NOP9: variants seen among roughly 807,000 people sequenced by gnomAD.
NOP9 encodes nucleolar protein 9.
A neutral mutation model predicts 63.0 loss-of-function variants in NOP9; 50 were observed. The ratio of observed to expected loss-of-function variants is 0.79; its 90% CI spans 0.63 to 1.00. The LOEUF (loss-of-function observed/expected upper bound fraction) is 1.00. Ranked by LOEUF, NOP9 falls within the 50% of genes least tolerant of loss-of-function variation. The pLI is 0.00. For synonymous variants in NOP9, 343 were observed against 332.8 expected, an observed-to-expected ratio of 1.03 and a Z score of -0.33; for missense variants, 758 against 803.0, an observed-to-expected ratio of 0.94 and a Z score of 0.68.
the NOP9 span, chr14:24,292,903 G>A: frequency 6.6e-6 from 9 of 1,362,476 alleles, no homozygotes; most frequent in Admixed American, 2.5e-4. Context: ...GGCTACACAG[G>A]GTGGGTTAGC....
intron 6 of NOP9, 91 bp downstream of exon 6, chr14:24,303,305 A>G (rs563898345): frequency 1.3e-6 from 2 of 1,525,040 alleles, no homozygotes; most frequent in Non-Finnish European, 1.8e-6. Context: ...GTACCTCTGG[A>G]CTCAGGAAGT....
chr14:24,276,402 C>T, the NOP9 span, among the ~76,000 whole-genome samples: 2 of 150,696 alleles, frequency 1.3e-5, no homozygotes, highest in Non-Finnish European at 1.5e-5. Flanking sequence ...ATAGGTGGGA[C>T]TACAGGCACA....
Position 24,307,963 on chromosome 14 carries a change from G to T in NOP9, c.*2868G>T. The T allele has an allele frequency of 9.4e-7, 1 of 1,060,884 alleles. No homozygotes were observed. Among genetic ancestry groups the T allele is most frequent in the South Asian group, 1.4e-5 (1 of 72,928 alleles). The allele number at this position is 1,060,884 out of a possible 1,614,324, so 65.7% of individuals were successfully genotyped here. On this transcript the variant is annotated 3_prime_UTR_variant, in exon 10 of 10. Coordinates refer to ENST00000267425, the MANE Select transcript of NOP9 (RefSeq NM_174913.3). ...GTTACAAACCTGGGATCTCAGCCCA[G>T]GACAAGGTGGGAATGAGTCAAGCCT...
the NOP9 span, among the ~76,000 whole-genome samples, chr14:24,275,993 C>T: frequency 1.3e-5 from 2 of 152,188 alleles, no homozygotes; most frequent in Non-Finnish European, 1.5e-5. Context: ...ACAGTAGCCC[C>T]ATGTGACTGC....
the NOP9 span, among the ~76,000 whole-genome samples, chr14:24,283,121 C>G: frequency 6.6e-6 from 1 of 152,234 alleles, no homozygotes; most frequent in Admixed American, 6.5e-5. Context: ...CCCAGCCCCT[C>G]TTAAAGTGCT....
At chr14:24,272,770 A>G in the NOP9 span, among the ~76,000 whole-genome samples, 3 of 152,300 alleles carry the variant, frequency 2.0e-5, no homozygotes, top group South Asian at 2.1e-4. Context: ...ATGACAGCCT[A>G]CAGAAATACT....
chr14:24,304,004 G>A, intron 7 of NOP9, 37 bp from the exon 8 acceptor site: 2 of 1,598,796 alleles, frequency 1.3e-6, no homozygotes, highest in Middle Eastern at 3.3e-4. Flanking sequence ...CACCTGGCTT[G>A]TTGGTGCCTC....
chr14:24,306,284 G>A lies in NOP9; in HGVS notation c.*1189G>A. The A allele has an allele frequency of 3.2e-6, 5 of 1,566,530 alleles. No homozygotes were observed. The highest frequency in any genetic ancestry group is 3.4e-5 in the Admixed American group (2 of 58,562). On this transcript the variant is annotated 3_prime_UTR_variant, in exon 10 of 10. Transcript: ENST00000267425. ...CAATTCCACAACTCCTCCTGCACCT[G>A]GTCCCCAGGATCAGGGTTAAGCTAG...
chr14:24,281,832 C>G, the NOP9 span, among the ~76,000 whole-genome samples: 1 of 152,202 alleles, frequency 6.6e-6, no homozygotes, highest in East Asian at 1.9e-4. Flanking sequence ...GGAACTTAGG[C>G]TGGGTGAGCT....
chr14:24,296,493 G>A (rs769351196), upstream of NOP9: 25 of 1,613,568 alleles, frequency 1.5e-5, no homozygotes, highest in South Asian at 1.8e-4. Flanking sequence ...ATGGGTCCTG[G>A]CAGTGGAGCA....
rs1049339375 is a variant in NOP9, at chr14:24,306,045, A to G, written c.*950A>G. 4 of 1,614,112 alleles carry G rather than the reference A, an allele frequency of 2.5e-6. No individual in the cohort carries two copies. The highest frequency in any genetic ancestry group is 3.4e-6 in the Non-Finnish European group (4 of 1,180,022). On this transcript the variant is annotated 3_prime_UTR_variant, in exon 10 of 10. Coordinates refer to ENST00000267425, the MANE Select transcript of NOP9 (RefSeq NM_174913.3). ...CATTCAGGCTGCCAAAGAGGTCTCG[A>G]GGGTTTTGCTTGTACACGTCAAAGG... is the stretch of plus-strand genomic sequence containing the variant.
At chr14:24,304,899 G>T in intron 9 of NOP9, 39 bp from the exon 10 acceptor site, 1 of 1,497,598 alleles carries the variant, frequency 6.7e-7, no homozygotes, top group South Asian at 1.4e-5. Context: ...GTCTGTCTTT[G>T]AGCATGGTAG....
chr14:24,290,768 A>G, the NOP9 span: 1 of 1,535,336 alleles, frequency 6.5e-7, no homozygotes, highest in South Asian at 1.2e-5. Flanking sequence ...GGGTATGGGT[A>G]AACAAGAAAG....
At chr14:24,299,674 T>C (rs532226108), upstream of NOP9, 12 of 384,510 alleles carry the variant, frequency 3.1e-5, no homozygotes, top group East Asian at 4.7e-4. Context: ...GTGGAGGCAG[T>C]GTTCAAGGAT....
upstream of NOP9, among the ~76,000 whole-genome samples, chr14:24,295,071 A>C (rs1337215968): frequency 6.6e-6 from 1 of 152,148 alleles, no homozygotes; most frequent in Non-Finnish European, 1.5e-5. Flanking sequence ...CTATAACCTA[A>C]GGGAAGTACA....
chr14:24,304,673 G>T (rs766728540), intron 9 of NOP9, 75 bp downstream of exon 9: 68 of 1,224,560 alleles, frequency 5.6e-5, no homozygotes, highest in Middle Eastern at 2.3e-4. Flanking sequence ...TAGCTGGGAA[G>T]TCTACTGAAA....
intron 9 of NOP9, 38 bp from the exon 10 acceptor site, chr14:24,304,900 A>T: frequency 6.7e-7 from 1 of 1,497,634 alleles, no homozygotes; most frequent in Non-Finnish European, 8.9e-7. Context: ...TCTGTCTTTG[A>T]GCATGGTAGT....
chr14:24,292,086 C>G, the NOP9 span: 47 of 1,475,964 alleles, frequency 3.2e-5, no homozygotes, highest in South Asian at 4.4e-4. Context: ...GCACCTGCCA[C>G]AGTAAGCACC....
the NOP9 span, chr14:24,292,391 C>A: frequency 6.2e-7 from 1 of 1,600,950 alleles, no homozygotes; most frequent in South Asian, 1.1e-5. Context: ...CTGCCCTGCC[C>A]TCTCTGCTTC....
Sources: allele counts gnomAD v4.1 joint callset (sites outside exome capture counted in the v4.1 genomes callset), GRCh38; gene constraint gnomAD v4.1.1; transcripts MANE v1.5; gene names NCBI Gene and HGNC (gene_info 2026-07-23, HGNC 2026-07-21).